Variants in TMEM114 observed in about 807,000 individuals in gnomAD.
The protein encoded by TMEM114 is claudin-26.
In TMEM114, 6 loss-of-function variants were observed where a neutral mutation model predicts 6.2. The observed-to-expected ratio is 0.97, with a 90% confidence interval of 0.53 to 1.91. The LOEUF (loss-of-function observed/expected upper bound fraction) is 1.91, where lower values mean the gene tolerates loss of function less well. Ranked by LOEUF, TMEM114 falls within the 40% of genes most tolerant of loss-of-function variation. TMEM114 has a pLI of 0.01. For missense variants in TMEM114, 218 were observed against 158.3 expected (o/e 1.38, Z -2.02); for synonymous variants, 104 against 73.0 (o/e 1.42, Z -2.16).
intron 2 of TMEM114, among the ~76,000 whole-genome samples, chr16:8,557,079 G>A (rs776493470): frequency 2.6e-5 from 4 of 152,154 alleles, no homozygotes; most frequent in Non-Finnish European, 5.9e-5. Flanking sequence ...GTAGCAGATT[G>A]TACTTTCTAA....
downstream of TMEM114, chr16:8,569,353 G>A (rs576418822): frequency 7.3e-4 from 468 of 644,874 alleles, 1 homozygote; most frequent in Admixed American, 1.7e-3. Context: ...GAGCTCCCCA[G>A]AGAGAGCTGA....
downstream of TMEM114, among the ~76,000 whole-genome samples, chr16:8,566,897 GTTTTTTTTTT>G (rs71150402): frequency 2.0e-5 from 2 of 98,286 alleles, no homozygotes; most frequent in African/African-American, 8.2e-5. Flanking sequence ...CATCACCCTG[GTTTTTTTTTT>G]TTTTTTTTTT....
chr16:8,557,951 T>C (rs1901067378), intron 2 of TMEM114, among the ~76,000 whole-genome samples: 1 of 152,136 alleles, frequency 6.6e-6, no homozygotes, highest in Non-Finnish European at 1.5e-5. Flanking sequence ...ATTCTGAAGG[T>C]CCAAATTTCA....
rs1404940849 is a variant in TMEM114 at position 8,589,935 on chromosome 16, C to G, written c.-97G>C. 4 of 389,224 alleles carry G rather than the reference C, an allele frequency of 1.0e-5. No homozygotes were observed. The highest frequency in any genetic ancestry group is 6.2e-5 in the African/African-American group (3 of 48,102). 24.1% of individuals were successfully genotyped at this position (389,224 alleles called of 1,614,324 possible). Reference sequence around the variant, plus strand: ...CCAGCCGGCCACCGCGGGCTCCCAGCTCCACCGCCGCCAGAGCCGCGGAGC... The same window carrying G: ...CCAGCCGGCCACCGCGGGCTCCCAGGTCCACCGCCGCCAGAGCCGCGGAGC... On this transcript the variant is annotated 5_prime_UTR_variant, in exon 1 of 4. Transcript: ENST00000620492.
At chr16:8,529,481 G>T in the TMEM114 span, among the ~76,000 whole-genome samples, 3 of 152,180 alleles carry the variant, frequency 2.0e-5, no homozygotes, top group African/African-American at 7.2e-5. Context: ...GAAGTGGACA[G>T]GGAGTGTTTC....
chr16:8,542,143 G>A (rs545904305), intron 2 of TMEM114, among the ~76,000 whole-genome samples: 1 of 53,568 alleles, frequency 1.9e-5, no homozygotes, highest in African/African-American at 8.1e-5. Context: ...GATGATTCGT[G>A]GGGGGGGGTC....
chr16:8,585,966 T>C (rs931807156), intron 2 of TMEM114, among the ~76,000 whole-genome samples: 5 of 152,158 alleles, frequency 3.3e-5, no homozygotes, highest in Non-Finnish European at 7.4e-5. Context: ...AACGAGTGAA[T>C]AGACTGTGGA....
At chr16:8,554,882 G>C (rs1331633115) in intron 2 of TMEM114, among the ~76,000 whole-genome samples, 4 of 152,184 alleles carry the variant, frequency 2.6e-5, no homozygotes, top group African/African-American at 9.7e-5. Context: ...TAAGCAGTTT[G>C]TCCTTCGTAC....
rs1267207644 is a variant in TMEM114, at chr16:8,589,809, G to A, written c.30C>T (p.Gly10=). The A allele has an allele frequency of 2.0e-5, 8 of 398,388 alleles. No homozygotes were observed. Among genetic ancestry groups the A allele is most frequent in the African/African-American group, 1.4e-4 (7 of 48,668 alleles). The allele number at this position is 398,388 out of a possible 1,614,324, so 24.7% of individuals were successfully genotyped here. Reference sequence around the variant, plus strand: ...TGAGCGCCCCGGTCAGCGCAGCCGCGCCGGCCAGCCCGCCCAGGTGCACCC... The same window carrying A: ...TGAGCGCCCCGGTCAGCGCAGCCGCACCGGCCAGCCCGCCCAGGTGCACCC... MRVHLGGLA[G]AAALTGALSF... Residue 10 remains glycine (G), a synonymous_variant, in exon 1 of 4, where the codon GGC becomes GGT. Transcript: ENST00000620492.
At chr16:8,528,381 G>T in the TMEM114 span, among the ~76,000 whole-genome samples, 1 of 152,136 alleles carries the variant, frequency 6.6e-6, no homozygotes, top group Non-Finnish European at 1.5e-5. Flanking sequence ...CATGCACCAT[G>T]CTGTTCTAGT....
chr16:8,560,579 C>G (rs570837606), intron 2 of TMEM114, among the ~76,000 whole-genome samples: 1 of 152,258 alleles, frequency 6.6e-6, no homozygotes, highest in South Asian at 2.1e-4. Context: ...GGAGGTAGCC[C>G]GGGATGTCAA....
intron 2 of TMEM114, among the ~76,000 whole-genome samples, chr16:8,580,030 A>G (rs1286824853): frequency 3.9e-5 from 6 of 152,142 alleles, no homozygotes; most frequent in Non-Finnish European, 8.8e-5. Flanking sequence ...GCCAACATCC[A>G]GAAGTAGGAG....
chr16:8,545,053 A>C (rs991898381), intron 2 of TMEM114, among the ~76,000 whole-genome samples: 1 of 151,974 alleles, frequency 6.6e-6, no homozygotes, highest in Non-Finnish European at 1.5e-5. Flanking sequence ...GTTTTATCAG[A>C]TGGTCTTGTC....
chr16:8,555,579 CGT>C (rs1219569513), intron 2 of TMEM114, among the ~76,000 whole-genome samples: 1 of 152,160 alleles, frequency 6.6e-6, no homozygotes, highest in East Asian at 1.9e-4. Flanking sequence ...TTTGGTTCCT[CGT>C]CCCAGCTTCC....
At chr16:8,567,700 A>G (rs1901590088), downstream of TMEM114, among the ~76,000 whole-genome samples, 1 of 152,144 alleles carries the variant, frequency 6.6e-6, no homozygotes, top group South Asian at 2.1e-4. Context: ...CCAGCTGAGA[A>G]CTCTGGCCCT....
intron 2 of TMEM114, among the ~76,000 whole-genome samples, chr16:8,556,573 C>G (rs758977455): frequency 3.3e-5 from 5 of 152,054 alleles, no homozygotes; most frequent in Non-Finnish European, 5.9e-5. Flanking sequence ...GTGATCTTGG[C>G]TCACTGCAAC....
At chr16:8,566,793 C>T (rs12922887), downstream of TMEM114, among the ~76,000 whole-genome samples, 98,428 of 151,950 alleles carry the variant, frequency 0.65, 31,937 homozygotes, top group East Asian at 0.74. Context: ...CCTACAGGTT[C>T]TTCATGCGGG....
intron 2 of TMEM114, among the ~76,000 whole-genome samples, chr16:8,554,551 C>T (rs1299870451): frequency 1.3e-5 from 2 of 152,182 alleles, no homozygotes; most frequent in Non-Finnish European, 2.9e-5. Context: ...CCCAGCCGTG[C>T]TTTCTGTGGG....
chr16:8,555,958 C>T (rs1900998191), intron 2 of TMEM114, among the ~76,000 whole-genome samples: 1 of 152,186 alleles, frequency 6.6e-6, no homozygotes, highest in South Asian at 2.1e-4. Context: ...CTTGGATGTC[C>T]CCACAGTGTC....
Sources: gnomAD v4.1 joint callset for allele counts (sites outside exome capture counted in the v4.1 genomes callset) on GRCh38, gnomAD v4.1.1 for gene constraint, MANE v1.5 for transcripts, NCBI Gene and HGNC (gene_info 2026-07-23, HGNC 2026-07-21) for gene names.